The following SLC39A12 variants were observed in gnomAD, a reference collection of about 807,000 sequenced individuals.
SLC39A12 encodes solute carrier family 39 member 12, also known as zinc transporter ZIP12.
Under a neutral mutation model 71.1 loss-of-function variants are expected in SLC39A12, and 63 were observed. The observed-to-expected ratio is 0.89, with a 90% CI of 0.72 to 1.09. SLC39A12 has a LOEUF of 1.09. Ranked by LOEUF, SLC39A12 falls within the 50% of genes least tolerant of loss-of-function variation. SLC39A12 has a pLI of 0.00. For synonymous variants in SLC39A12, 351 were observed against 301.3 expected, an observed-to-expected ratio of 1.16 and a Z score of -1.71; for missense variants, 892 against 812.6, an observed-to-expected ratio of 1.10 and a Z score of -1.19.
At chr10:18,041,845 G>GTA (rs113327684) in intron 12 of SLC39A12, among the ~76,000 whole-genome samples, 4 of 145,074 alleles carry the variant, frequency 2.8e-5, no homozygotes, top group East Asian at 2.0e-4. Context: ...ATATGTATAC[G>GTA]TATATATATG....
At chr10:18,008,211 C>T (rs1182525156) in intron 12 of SLC39A12, among the ~76,000 whole-genome samples, 3 of 152,170 alleles carry the variant, frequency 2.0e-5, no homozygotes, top group Non-Finnish European at 4.4e-5. Context: ...TCTGTACTTA[C>T]AGCCGCTCTG....
intron 12 of SLC39A12, among the ~76,000 whole-genome samples, chr10:18,003,667 A>C (rs2007904): frequency 0.29 from 44,594 of 152,048 alleles, 7,546 homozygotes; most frequent in Non-Finnish European, 0.39. Flanking sequence ...ATCTTCAAAA[A>C]GTAATCATCA....
chr10:17,983,012 A>C (rs1835301265), intron 6 of SLC39A12, among the ~76,000 whole-genome samples: 1 of 151,400 alleles, frequency 6.6e-6, no homozygotes, highest in Non-Finnish European at 1.5e-5. Context: ...AACGCAGTGA[A>C]ACCCCGTCTC....
chr10:18,021,961 T>G (rs572212348), intron 12 of SLC39A12, among the ~76,000 whole-genome samples: 1 of 152,368 alleles, frequency 6.6e-6, no homozygotes, highest in South Asian at 2.1e-4. Flanking sequence ...ATCTTCTGGC[T>G]TGTAGGGTTT....
intron 1 of SLC39A12, among the ~76,000 whole-genome samples, chr10:17,952,464 ACT>A (rs782690824): frequency 6.9e-6 from 1 of 144,192 alleles, no homozygotes; most frequent in Non-Finnish European, 1.5e-5. Flanking sequence ...CTTGTCTAAA[ACT>A]CTTTTTTTTT....
intron 2 of SLC39A12, among the ~76,000 whole-genome samples, chr10:17,958,130 C>T (rs961408412): frequency 8.5e-5 from 13 of 152,158 alleles, no homozygotes; most frequent in African/African-American, 2.9e-4. Context: ...TCTGCTGTTC[C>T]GTGCCTTGCA....
rs566021379 is a variant in SLC39A12 at position 17,997,807 on chromosome 10, G to A, written c.1600+2085G>A. On this transcript the variant is annotated intron_variant, in intron 10 of 12. Transcript: ENST00000377369. ...ACAAGATGCAAAAATTCAATCCACA[G>A]TCTGATTTAAATTTTAAAAAAGCAC... is the stretch of plus-strand genomic sequence containing the variant. Among the ~76,000 whole-genome samples, 161 of 152,280 alleles carry A rather than the reference G, an allele frequency of 1.1e-3. 1 individual carries two copies. The South Asian group carries it at 0.032, about 30-fold the overall frequency.
At chr10:18,017,211 T>C (rs896633700) in intron 12 of SLC39A12, among the ~76,000 whole-genome samples, 1 of 152,220 alleles carries the variant, frequency 6.6e-6, no homozygotes, top group African/African-American at 2.4e-5. Flanking sequence ...TGAAAAGTCA[T>C]TGCTATACCT....
chr10:18,016,710 C>G (rs1836395142), intron 12 of SLC39A12, among the ~76,000 whole-genome samples: 1 of 152,184 alleles, frequency 6.6e-6, no homozygotes, highest in South Asian at 2.1e-4. Context: ...GCACTTGTTG[C>G]TGTCAGTGTT....
Position 17,991,140 on chromosome 10 carries a change from TTC to T in SLC39A12, c.1270-10_1270-9del. 3 of 1,534,098 alleles carry T rather than the reference TTC, an allele frequency of 2.0e-6. No individual in the cohort carries two copies. The highest frequency in any genetic ancestry group is 8.7e-7 in the Non-Finnish European group (1 of 1,152,330). On this transcript the variant is annotated splice_polypyrimidine_tract_variant and intron_variant, in intron 7 of 12. Coordinates refer to ENST00000377369, the MANE Select transcript of SLC39A12 (RefSeq NM_001145195.2). ...TTCTCTCTGCCTTTTTTTTTTTTTT[TTC>T]CCCTGAAGGTTCTTGGTTTACATAA...
At chr10:17,977,671 C>A (rs1052996687) in intron 4 of SLC39A12, among the ~76,000 whole-genome samples, 1 of 152,084 alleles carries the variant, frequency 6.6e-6, no homozygotes, top group Non-Finnish European at 1.5e-5. Flanking sequence ...GGAATAATTT[C>A]CTAAGGATTA....
Position 17,953,231 on chromosome 10 carries a change from C to T in SLC39A12, c.-46C>T, listed in dbSNP as rs1554847320. 5 of 1,589,186 alleles carry T rather than the reference C, an allele frequency of 3.1e-6. No individual in the cohort carries two copies. The Admixed American group carries it at 5.3e-5, about 17-fold the overall frequency. On this transcript the variant is annotated 5_prime_UTR_variant, in exon 2 of 13. Coordinates refer to ENST00000377369, the MANE Select transcript of SLC39A12 (RefSeq NM_001145195.2). Reference sequence around the variant, plus strand: ...CAAGTTTACCCCATAAACGGCAACACACTCACCTCCATCCAAGACAGACTC... The same window carrying T: ...CAAGTTTACCCCATAAACGGCAACATACTCACCTCCATCCAAGACAGACTC...
chr10:17,958,498 A>C (rs1343737565), intron 2 of SLC39A12, among the ~76,000 whole-genome samples: 1 of 152,048 alleles, frequency 6.6e-6, no homozygotes, highest in Non-Finnish European at 1.5e-5. Context: ...GGGAGAGAAA[A>C]ATTACCGGTC....
rs146367461 is a variant in SLC39A12, at chr10:17,981,360, C to T, written c.973C>T (p.Leu325Phe). 3.1e-6 allele frequency: 5 copies of T among 1,613,378 alleles called. No homozygotes were observed. The highest frequency in any genetic ancestry group is 1.7e-5 in the Admixed American group (1 of 59,990). The change falls in exon 6 of 13, where the codon CTC (leucine) becomes TTC (phenylalanine). Residue 325 changes from leucine (L) to phenylalanine (F), a missense_variant. Leu to Phe is a conservative substitution (Grantham distance 22). Coordinates refer to ENST00000377369, the MANE Select transcript of SLC39A12 (RefSeq NM_001145195.2). ...QLVEIFLQKG[L>F]SLISKEDFKQ... ...GGTGGAGATATTTCTACAGAAGGGCCTCTCACTCATTTCTAAGGAGGACTT... is the reference window on the plus strand; with the variant it reads ...GGTGGAGATATTTCTACAGAAGGGCTTCTCACTCATTTCTAAGGAGGACTT...
rs1002596339 is a variant in SLC39A12, at chr10:17,965,351, A to T, written c.544-132A>T. ...CTGAGACAGGAGAAAGATGATAGTCATATTCCTCAAATGATTCAATTTTCT... is the reference window on the plus strand; with the variant it reads ...CTGAGACAGGAGAAAGATGATAGTCTTATTCCTCAAATGATTCAATTTTCT... On this transcript the variant is annotated intron_variant, in intron 3 of 12. Coordinates refer to ENST00000377369, the MANE Select transcript of SLC39A12 (RefSeq NM_001145195.2). The T allele has an allele frequency of 4.2e-6, 3 of 722,154 alleles. No individual in the cohort carries two copies. In the South Asian group the frequency reaches 5.7e-5, roughly 14 times the overall value. The allele number at this position is 722,154 out of a possible 1,614,324, so 44.7% of individuals were successfully genotyped here.
chr10:17,953,115 C>T, intron 1 of SLC39A12, 76 bp from the exon 2 acceptor site: 2 of 892,326 alleles, frequency 2.2e-6, no homozygotes, highest in South Asian at 1.7e-5. Flanking sequence ...ATCAGCTTAG[C>T]CACCCAATTA....
intron 12 of SLC39A12, among the ~76,000 whole-genome samples, chr10:18,013,831 C>T (rs1489681758): frequency 6.6e-6 from 1 of 152,158 alleles, no homozygotes; most frequent in Admixed American, 6.5e-5. Context: ...GTCTATATGG[C>T]TGTCTGTAGC....
chr10:17,952,572 C>T (rs1206811839), intron 1 of SLC39A12, among the ~76,000 whole-genome samples: 1 of 151,530 alleles, frequency 6.6e-6, no homozygotes, highest in Non-Finnish European at 1.5e-5. Flanking sequence ...ACTGCAACCC[C>T]CGCCTCCCGG....
rs1244817489 is a variant in SLC39A12, at chr10:17,965,601, G to C, written c.662G>C (p.Cys221Ser). The C allele has an allele frequency of 1.2e-6, 2 of 1,614,022 alleles. No homozygotes were observed. The highest frequency in any genetic ancestry group is 2.7e-5 in the African/African-American group (2 of 74,924). Reference sequence around the variant, plus strand: ...ATTACTTTGTCCCTCCAGGGTGTTTGTCTGGGACAAGGAAACTTGCCTTCC... The same window carrying C: ...ATTACTTTGTCCCTCCAGGGTGTTTCTCTGGGACAAGGAAACTTGCCTTCC... Reference protein sequence around the residue: ...MIITLSLQGVCLGQGNLPSPD... With the variant: ...MIITLSLQGVSLGQGNLPSPD... Residue 221 changes from cysteine to serine, a missense_variant, in exon 4 of 13, where the codon TGT becomes TCT. Coordinates refer to ENST00000377369, the MANE Select transcript of SLC39A12 (RefSeq NM_001145195.2).
Sources: gnomAD v4.1 joint callset for allele counts (sites outside exome capture counted in the v4.1 genomes callset) on GRCh38, gnomAD v4.1.1 for gene constraint, MANE v1.5 for transcripts, NCBI Gene and HGNC (gene_info 2026-07-23, HGNC 2026-07-21) for gene names.